The following PDS5A variants were observed in gnomAD, a reference collection of about 807,000 sequenced individuals.
The protein encoded by PDS5A is PDS5 cohesin associated factor A.
In PDS5A, 42 loss-of-function variants were observed where a neutral mutation model predicts 167.1. The observed-to-expected ratio is 0.25, with a 90% CI of 0.20 to 0.33. The LOEUF (loss-of-function observed/expected upper bound fraction) is 0.33. PDS5A is among the 10% of genes least tolerant of loss of function. The probability of loss-of-function intolerance (pLI) is 1.00; values close to 1 mark genes in which losing one functional copy is unlikely to be tolerated. For missense variants in PDS5A, 1,033 were observed against 1,605.9 expected (o/e 0.64, Z 6.10); for synonymous variants, 553 against 554.6 (o/e 1.00, Z 0.04).
At chr4:39,902,317 A>T in intron 13 of PDS5A, 30 bp downstream of exon 13, 1 of 990,632 alleles carries the variant, frequency 1.0e-6, no homozygotes, top group South Asian at 1.4e-5. Context: ...ATCCTTAGAA[A>T]ATACAGCAGT....
At chr4:39,904,601 G>C (rs1020668883) in intron 11 of PDS5A, among the ~76,000 whole-genome samples, 3 of 152,146 alleles carry the variant, frequency 2.0e-5, no homozygotes, top group Non-Finnish European at 4.4e-5. Context: ...CAAAGTGCTG[G>C]GATTACAGGC....
At chr4:39,955,982 G>A (rs533729369) in intron 2 of PDS5A, among the ~76,000 whole-genome samples, 1 of 151,924 alleles carries the variant, frequency 6.6e-6, no homozygotes, top group Non-Finnish European at 1.5e-5. Flanking sequence ...AGACATGGTG[G>A]TGGCACACAC....
At chr4:39,917,285 T>C (rs1724479638) in intron 7 of PDS5A, 97 bp from the exon 8 acceptor site, 1 of 746,400 alleles carries the variant, frequency 1.3e-6, no homozygotes, top group Non-Finnish European at 2.1e-6. Context: ...TTTAATTAGG[T>C]ATTACATATA....
chr4:39,880,357 T>A (rs1720828055), intron 17 of PDS5A, among the ~76,000 whole-genome samples: 2 of 152,128 alleles, frequency 1.3e-5, no homozygotes, highest in African/African-American at 2.4e-5. Flanking sequence ...AACAATTTAA[T>A]TGTCAAAAAT....
chr4:39,969,719 T>C (rs1730322785), intron 2 of PDS5A, among the ~76,000 whole-genome samples: 1 of 152,004 alleles, frequency 6.6e-6, no homozygotes, highest in South Asian at 2.1e-4. Context: ...AATTATCCTT[T>C]ACTTTCAAAA....
Position 39,906,771 on chromosome 4 carries a change from G to A in PDS5A, c.1233+1624C>T, listed in dbSNP as rs573522758. Among the ~76,000 whole-genome samples the A allele has an allele frequency of 5.3e-5, 8 of 151,872 alleles. No individual in the cohort carries two copies. In the South Asian group the frequency reaches 1.7e-3, roughly 32 times the overall value. ...ACCTCTAAAAAAGAGGGGTGGGTGG[G>A]AGTATATTATCTTTGGTGTATTTAA... On this transcript the variant is annotated intron_variant, in intron 11 of 32. Coordinates refer to ENST00000303538, the MANE Select transcript of PDS5A (RefSeq NM_001100399.2).
chr4:39,963,662 T>C (rs2109812036), intron 2 of PDS5A, among the ~76,000 whole-genome samples: 1 of 152,106 alleles, frequency 6.6e-6, no homozygotes, highest in African/African-American at 2.4e-5. Flanking sequence ...CAAAACCCTG[T>C]CTCTTCAAAA....
chr4:39,942,889 C>T (rs774891609), intron 2 of PDS5A, among the ~76,000 whole-genome samples: 3 of 151,908 alleles, frequency 2.0e-5, no homozygotes, highest in Non-Finnish European at 4.4e-5. Flanking sequence ...GTGGGAGGAT[C>T]GTTTGATGCC....
At chr4:39,976,679 T>C (rs1731120947) in intron 1 of PDS5A, 62 bp from the exon 2 acceptor site, 2 of 849,442 alleles carry the variant, frequency 2.4e-6, no homozygotes, top group East Asian at 5.2e-5. Flanking sequence ...CTTTTTTCAT[T>C]TCAAATCTCT....
At position 39,900,846 on chromosome 4, in the gene PDS5A, C is replaced by T. The variant is rs114006643; in HGVS notation, c.1500-339G>A. Among the ~76,000 whole-genome samples, 880 of 151,500 alleles carry T rather than the reference C, an allele frequency of 5.8e-3. 7 individuals carry two copies. The highest frequency in any genetic ancestry group is 0.02 in the African/African-American group (807 of 40,842). ...TAAAACAAACTGAAAAACATGTATACGCTTGGAGCACAAGGCATGTGTGTG... is the reference window on the plus strand; with the variant it reads ...TAAAACAAACTGAAAAACATGTATATGCTTGGAGCACAAGGCATGTGTGTG... On this transcript the variant is annotated intron_variant, in intron 13 of 32. Coordinates refer to ENST00000303538, the MANE Select transcript of PDS5A (RefSeq NM_001100399.2).
chr4:39,869,836 G>A (rs1290768320), intron 21 of PDS5A, among the ~76,000 whole-genome samples: 1 of 152,194 alleles, frequency 6.6e-6, no homozygotes, highest in East Asian at 1.9e-4. Context: ...GCCGGGTGCA[G>A]AGGGTCAAGC....
In PDS5A at chr4:39,928,089, G is replaced by C. The variant is rs774141673; in HGVS notation, c.214C>G (p.His72Asp). 4.3e-6 allele frequency: 7 copies of C among 1,613,138 alleles called. No homozygotes were observed. The highest frequency in any genetic ancestry group is 5.9e-6 in the Non-Finnish European group (7 of 1,179,194). Residue 72 changes from histidine to aspartate, a missense_variant, in exon 3 of 33, where the codon CAT (histidine) becomes GAT (aspartate). Transcript: ENST00000303538. ...CTGAGGAAGAATTCAGATGCAAGAT[G>C]CAAGGCTAGTGGGAGATACTGCTGT... ...EKQQYLPLAL[H>D]LASEFFLRNP...
In PDS5A at chr4:39,922,766, A is replaced by AG; in HGVS notation, c.528-19_528-18insC. The AG allele has an allele frequency of 2.0e-6, 3 of 1,469,338 alleles. No homozygotes were observed. Among genetic ancestry groups the AG allele is most frequent in the Non-Finnish European group, 2.7e-6 (3 of 1,108,894 alleles). 91.0% of individuals were successfully genotyped at this position (1,469,338 alleles called of 1,614,324 possible). A position where few individuals can be genotyped will look rare whatever the true frequency, so the allele number is the denominator to read the frequency against. ...GGCTATTGCTATAAAAAAAAAAAAAAAAGAATAAGTAGTAGGAGGAGGAAA... is the reference window on the plus strand; with the variant it reads ...GGCTATTGCTATAAAAAAAAAAAAAAGAAGAATAAGTAGTAGGAGGAGGAAA... On this transcript the variant is annotated intron_variant, in intron 5 of 32. Coordinates refer to ENST00000303538, the MANE Select transcript of PDS5A (RefSeq NM_001100399.2).
At chr4:39,923,457 C>A (rs1473320927) in intron 5 of PDS5A, among the ~76,000 whole-genome samples, 2 of 151,714 alleles carry the variant, frequency 1.3e-5, no homozygotes, top group African/African-American at 4.8e-5. Context: ...CAATTTTAGC[C>A]TGGGCAACAT....
intron 17 of PDS5A, among the ~76,000 whole-genome samples, chr4:39,884,889 A>G (rs1223951603): frequency 6.6e-6 from 1 of 152,110 alleles, no homozygotes; most frequent in East Asian, 1.9e-4. Context: ...TAGCACACAT[A>G]TGTCAAGGTG....
intron 17 of PDS5A, among the ~76,000 whole-genome samples, chr4:39,886,726 A>T (rs575661776): frequency 1.1e-3 from 171 of 151,180 alleles, no homozygotes; most frequent in African/African-American, 3.3e-3. Flanking sequence ...AAAAAAAAAA[A>T]TTTTTTTTTA....
At chr4:39,955,913 G>C (rs748465363) in intron 2 of PDS5A, among the ~76,000 whole-genome samples, 1 of 151,916 alleles carries the variant, frequency 6.6e-6, no homozygotes, top group Non-Finnish European at 1.5e-5. Flanking sequence ...TCAGGAGTTC[G>C]AGACCAGCCT....
intron 16 of PDS5A, 197 bp downstream of exon 16, chr4:39,898,192 T>G (rs1000419374): frequency 3.2e-6 from 4 of 1,264,638 alleles, no homozygotes; most frequent in Non-Finnish European, 4.0e-6. Context: ...GCTTAGTTCT[T>G]TAGTTATTTT....
At chr4:39,903,219 C>T (rs1723028045) in intron 12 of PDS5A, among the ~76,000 whole-genome samples, 1 of 152,232 alleles carries the variant, frequency 6.6e-6, no homozygotes, top group African/African-American at 2.4e-5. Context: ...CAGGGGGACC[C>T]CCCTTCATAT....
Sources: gnomAD v4.1 joint callset for allele counts (sites outside exome capture counted in the v4.1 genomes callset) on GRCh38, gnomAD v4.1.1 for gene constraint, MANE v1.5 for transcripts, NCBI Gene and HGNC (gene_info 2026-07-23, HGNC 2026-07-21) for gene names.